The following ABCA13 variants were observed in gnomAD, a reference collection of about 807,000 sequenced individuals.
ABCA13 encodes the protein ATP binding cassette subfamily A member 13.
Under a neutral mutation model 478.7 loss-of-function variants are expected in ABCA13, and 476 were observed. That is an observed-to-expected ratio of 0.99 (90% CI 0.92 to 1.07). The LOEUF is 1.07. Among genes scored for constraint, ABCA13 ranks in the 50% least tolerant of loss-of-function variants. The pLI is 0.00. For synonymous variants in ABCA13, 2,252 were observed against 2,158.9 expected (o/e 1.04, Z -1.20); for missense variants, 6,060 against 5,910.6 (o/e 1.03, Z -0.83).
intron 57 of ABCA13, among the ~76,000 whole-genome samples, chr7:48,590,213 C>G (rs1380579444): frequency 1.3e-5 from 2 of 151,834 alleles, no homozygotes; most frequent in Non-Finnish European, 2.9e-5. Flanking sequence ...CCTCCAGATT[C>G]ACTTATGTTG....
intron 15 of ABCA13, among the ~76,000 whole-genome samples, chr7:48,257,965 C>T (rs946303169): frequency 5.3e-5 from 8 of 152,024 alleles, no homozygotes; most frequent in African/African-American, 1.9e-4. Context: ...ACTCTGTTGC[C>T]CAGGCTGGAG....
chr7:48,408,964 A>T (rs970907800), intron 39 of ABCA13, among the ~76,000 whole-genome samples: 6 of 152,124 alleles, frequency 3.9e-5, no homozygotes, highest in African/African-American at 1.2e-4. Context: ...CTGTTCCTGC[A>T]TTAGTTTGCT....
chr7:48,376,820 A>G (rs1813555299), intron 35 of ABCA13, among the ~76,000 whole-genome samples: 1 of 152,110 alleles, frequency 6.6e-6, no homozygotes, highest in Non-Finnish European at 1.5e-5. Context: ...CACCAGGCCC[A>G]CCAAGCAGCT....
chr7:48,407,184 C>T (rs2129082825), intron 39 of ABCA13, among the ~76,000 whole-genome samples: 1 of 152,156 alleles, frequency 6.6e-6, no homozygotes, highest in Non-Finnish European at 1.5e-5. Context: ...CAAAAATATT[C>T]AGGGAAAGGC....
At chr7:48,560,567 G>C (rs962781873) in intron 55 of ABCA13, among the ~76,000 whole-genome samples, 1 of 152,188 alleles carries the variant, frequency 6.6e-6, no homozygotes. Flanking sequence ...TGTTTCTGCA[G>C]GAGGGACAAT....
chr7:48,596,574 G>T (rs1002727057), intron 58 of ABCA13, among the ~76,000 whole-genome samples: 3 of 152,164 alleles, frequency 2.0e-5, no homozygotes, highest in Non-Finnish European at 2.9e-5. Flanking sequence ...ACGTTGGGAG[G>T]CCAAGGCGGG....
At chr7:48,296,697 C>CAT (rs1799426886) in intron 21 of ABCA13, among the ~76,000 whole-genome samples, 1 of 152,078 alleles carries the variant, frequency 6.6e-6, no homozygotes, top group South Asian at 2.1e-4. Flanking sequence ...CTCCTGACCT[C>CAT]ATGATCCGCC....
chr7:48,295,761 T>C lies in ABCA13; in HGVS notation c.9017T>C (p.Leu3006Pro). ...QLNCESLSKNLSSTLESFKSS... is the reference protein window; with the variant it reads ...QLNCESLSKNPSSTLESFKSS... ...AATTGTGAAAGTCTTAGCAAGAATC[T>C]TTCTAGCACCTTGGAGAGCTTCAAG... The change falls in exon 21 of 62, where the codon CTT becomes CCT. Residue 3006 changes from leucine to proline, a missense_variant. Leu to Pro is a moderately conservative substitution (Grantham distance 98). Around this residue, in one of 3 missense-constraint regions of ABCA13, gnomAD observed 4,423 missense variants for 4,309.1 expected, o/e 1.03. Transcript: ENST00000435803. 1 of 1,614,058 alleles carries C rather than the reference T, an allele frequency of 6.2e-7. No individual in the cohort carries two copies. The highest frequency in any genetic ancestry group is 8.5e-7 in the Non-Finnish European group (1 of 1,179,902).
At chr7:48,607,405 C>T (rs137993693) in intron 58 of ABCA13, among the ~76,000 whole-genome samples, 228 of 115,562 alleles carry the variant, frequency 2.0e-3, no homozygotes, top group African/African-American at 7.2e-3. Flanking sequence ...TGAGATGAAC[C>T]GGGTACCTCA....
At chr7:48,224,995 T>A (rs913039085) in intron 5 of ABCA13, among the ~76,000 whole-genome samples, 6 of 152,074 alleles carry the variant, frequency 3.9e-5, no homozygotes, top group Non-Finnish European at 5.9e-5. Context: ...TATTATTATT[T>A]TTTTAGAGAC....
intron 41 of ABCA13, among the ~76,000 whole-genome samples, chr7:48,415,205 C>A (rs535717277): frequency 6.6e-6 from 1 of 152,178 alleles, no homozygotes; most frequent in Non-Finnish European, 1.5e-5. Context: ...ATCATTTGGA[C>A]AGTTGAGAGC....
chr7:48,191,508 AT>A (rs1398282053), intron 1 of ABCA13, among the ~76,000 whole-genome samples: 2 of 152,162 alleles, frequency 1.3e-5, no homozygotes, highest in African/African-American at 2.4e-5. Flanking sequence ...GGTTCAAGTG[AT>A]TCTCCTGTCT....
At position 48,601,392 on chromosome 7, in the gene ABCA13, C is replaced by T. The variant is rs117806586; in HGVS notation, c.14744+6579C>T. Among the ~76,000 whole-genome samples, 428 of 152,162 alleles carry T rather than the reference C, an allele frequency of 2.8e-3. 1 individual carries two copies. The highest frequency in any genetic ancestry group is 5.1e-3 in the Non-Finnish European group (344 of 67,990). On this transcript the variant is annotated intron_variant, in intron 58 of 61. Coordinates refer to ENST00000435803, the MANE Select transcript of ABCA13 (RefSeq NM_152701.5). Reference sequence around the variant, plus strand: ...TCCGTCACCCAGCCTCCCACCCCCGCAACAGGCCCCGGTGTGTGATGCTCT... The same window carrying T: ...TCCGTCACCCAGCCTCCCACCCCCGTAACAGGCCCCGGTGTGTGATGCTCT...
At chr7:48,196,466 C>A (rs1797946611) in intron 2 of ABCA13, among the ~76,000 whole-genome samples, 1 of 152,150 alleles carries the variant, frequency 6.6e-6, no homozygotes, top group Admixed American at 6.5e-5. Context: ...TGGCGTGCAA[C>A]CTTTGTGAGC....
chr7:48,309,033 GCACACACACACACA>G (rs10523187), intron 23 of ABCA13, among the ~76,000 whole-genome samples: 7 of 138,156 alleles, frequency 5.1e-5, no homozygotes, highest in African/African-American at 1.9e-4. Flanking sequence ...ACACATGACT[GCACACACACACACA>G]CACACACACA....
chr7:48,412,534 A>G lies in ABCA13; in HGVS notation c.12410A>G (p.His4137Arg), dbSNP rs1466493067. Residue 4137 changes from histidine to arginine, a missense_variant, in exon 41 of 62, where the codon CAT becomes CGT. By Grantham distance (29) the His-to-Arg change is conservative. Coordinates refer to ENST00000435803, the MANE Select transcript of ABCA13 (RefSeq NM_152701.5). ...TTCCAGGCCCTGGATGAGAACCTGC[A>G]TCAGCTGCACCTGACGGGCTATGGG... ...GLFQALDENL[H>R]QLHLTGYGIS... The G allele has an allele frequency of 1.2e-6, 2 of 1,613,262 alleles. No individual in the cohort carries two copies. The highest frequency in any genetic ancestry group is 1.3e-5 in the African/African-American group (1 of 74,720).
At chr7:48,572,123 T>C (rs2131325100) in intron 55 of ABCA13, among the ~76,000 whole-genome samples, 1 of 152,316 alleles carries the variant, frequency 6.6e-6, no homozygotes, top group Middle Eastern at 3.4e-3. Flanking sequence ...GAATTTGCAG[T>C]GAGCCGAGAC....
chr7:48,409,331 A>C (rs1818681840), intron 39 of ABCA13, among the ~76,000 whole-genome samples: 1 of 152,232 alleles, frequency 6.6e-6, no homozygotes. Context: ...TGCTAAAGCT[A>C]AATCTGAGGC....
chr7:48,566,362 G>A (rs940964273), intron 55 of ABCA13, among the ~76,000 whole-genome samples: 1 of 152,242 alleles, frequency 6.6e-6, no homozygotes, highest in Non-Finnish European at 1.5e-5. Flanking sequence ...GTGCTGAAGC[G>A]TAAAGCATAC....
Sources: gnomAD v4.1 joint callset for allele counts (sites outside exome capture counted in the v4.1 genomes callset) on GRCh38, gnomAD v4.1.1 for gene constraint, gnomAD v4.1.1 regional missense constraint, MANE v1.5 for transcripts, NCBI Gene and HGNC (gene_info 2026-07-23, HGNC 2026-07-21) for gene names.